DECR2: variants seen among roughly 807,000 people sequenced by gnomAD.
DECR2 encodes the protein peroxisomal 2,4-dienoyl-CoA reductase [(3E)-enoyl-CoA-producing].
In DECR2, 34 loss-of-function variants were observed where a neutral mutation model predicts 29.2. That is an observed-to-expected ratio of 1.16 (90% confidence interval 0.89 to 1.55). DECR2 has a LOEUF of 1.55. Among genes scored for constraint, DECR2 ranks in the 40% most tolerant of loss-of-function variants. The pLI, the probability that DECR2 is intolerant of heterozygous loss-of-function variation, is 0.00. For synonymous variants in DECR2, 224 were observed against 182.7 expected, an observed-to-expected ratio of 1.23 and a Z score of -1.82; for missense variants, 485 against 425.3, an observed-to-expected ratio of 1.14 and a Z score of -1.23.
At position 401,954 on chromosome 16, in the gene DECR2, C is replaced by T. The variant is rs768136109; in HGVS notation, c.-10C>T. On this transcript the variant is annotated 5_prime_UTR_variant, in exon 1 of 9. The change creates a new upstream start codon in the 5' untranslated region. Transcript: ENST00000219481. ...CGCCCGTTGTCCCCGCAGTCCCCGA[C>T]GGGAGCGCCATGGCCCAGCCGCCGC... is the stretch of plus-strand genomic sequence containing the variant. The T allele has an allele frequency of 1.5e-5, 22 of 1,483,020 alleles. No homozygotes were observed. The East Asian group carries it at 5.6e-4, about 38-fold the overall frequency. The allele number at this position is 1,483,020 out of a possible 1,614,324, so 91.9% of individuals were successfully genotyped here.
intron 1 of DECR2, among the ~76,000 whole-genome samples, chr16:404,070 G>A (rs1261840354): frequency 1.3e-5 from 2 of 151,996 alleles, no homozygotes; most frequent in Admixed American, 6.6e-5. Flanking sequence ...CTACTCTGGA[G>A]GCTGAGGCAG....
rs2054800204 is a variant in DECR2 at position 410,477 on chromosome 16, GGGTGGGTGTA to G, written c.462+111_462+120del. On this transcript the variant is annotated intron_variant, in intron 5 of 8. Coordinates refer to ENST00000219481, the MANE Select transcript of DECR2 (RefSeq NM_020664.4). This position sits in a 1 kb window ranked among gnomAD's most constrained non-coding sequence, Gnocchi z 4.1. ...TGTGCGCTCTGTGAGAAGTTCTTCC[GGGTGGGTGTA>G]CTCCCAGCGGGGGCCTCCCCCTGAC... The G allele has an allele frequency of 2.1e-5, 32 of 1,544,048 alleles. No homozygotes were observed. Among genetic ancestry groups the G allele is most frequent in the East Asian group, 1.4e-4 (6 of 43,090 alleles).
rs748746167 is a variant in DECR2 at position 410,728 on chromosome 16, T to C, written c.500T>C (p.Leu167Pro). 4.4e-6 allele frequency: 7 copies of C among 1,608,140 alleles called. No individual in the cohort carries two copies. In the Admixed American group the frequency reaches 8.4e-5, roughly 19 times the overall value. Residue 167 changes from leucine (L) to proline (P), a missense_variant, in exon 6 of 9, where the codon CTG becomes CCG. Coordinates refer to ENST00000219481, the MANE Select transcript of DECR2 (RefSeq NM_020664.4). The surrounding 1 kb of genome is among the most constrained non-coding windows in gnomAD (Gnocchi z 4.1). The part of the protein sequence containing the change: ...GGVIVNITAT[L>P]GNRGQALQVH... The stretch of plus-strand genomic sequence containing the variant: ...GTGATCGTGAACATCACTGCCACCC[T>C]GGGGAACCGGGGGCAGGCGCTCCAG...
At chr16:405,919 C>T (rs2054718721) in intron 2 of DECR2, among the ~76,000 whole-genome samples, 2 of 152,212 alleles carry the variant, frequency 1.3e-5, no homozygotes, top group Admixed American at 1.3e-4. Flanking sequence ...AACCAGGGTT[C>T]ATAGAGGCCA....
At chr16:402,639 T>C (rs574106402) in intron 1 of DECR2, among the ~76,000 whole-genome samples, 17 of 152,112 alleles carry the variant, frequency 1.1e-4, no homozygotes, top group African/African-American at 3.9e-4. Flanking sequence ...ATCCTTTTTT[T>C]TTTTTCCTTT....
Position 410,413 on chromosome 16 carries a change from C to T in DECR2, c.462+46C>T. The T allele has an allele frequency of 6.3e-7, 1 of 1,589,880 alleles. No homozygotes were observed. The highest frequency in any genetic ancestry group is 8.6e-7 in the Non-Finnish European group (1 of 1,164,638). ...GTGAGAAGTTCTTCCGGGTGGGTGC[C>T]TCGTGCGCTCTGTGAGAAGTTCTTC... On this transcript the variant is annotated intron_variant, in intron 5 of 8. Coordinates refer to ENST00000219481, the MANE Select transcript of DECR2 (RefSeq NM_020664.4). This position sits in a 1 kb window ranked among gnomAD's most constrained non-coding sequence, Gnocchi z 4.1.
Position 410,612 on chromosome 16 carries a change from C to A in DECR2, c.463-79C>A, listed in dbSNP as rs1023283065. 4.8e-6 allele frequency: 7 copies of A among 1,443,996 alleles called. No individual in the cohort carries two copies. Among genetic ancestry groups the A allele is most frequent in the East Asian group, 2.5e-5 (1 of 40,432 alleles). The allele number at this position is 1,443,996 out of a possible 1,614,324, so 89.4% of individuals were successfully genotyped here. ...GCCCGCTCCCTGCCCCGGGCCTCCC[C>A]CTGACAGCCACCCGCTCACTGTCCT... On this transcript the variant is annotated intron_variant, in intron 5 of 8. Transcript: ENST00000219481. This position sits in a 1 kb window ranked among gnomAD's most constrained non-coding sequence, Gnocchi z 4.1.
intron 4 of DECR2, among the ~76,000 whole-genome samples, chr16:407,838 CCT>C (rs1205026577): frequency 1.2e-4 from 18 of 147,386 alleles, no homozygotes; most frequent in Non-Finnish European, 2.1e-4. Flanking sequence ...TCTCCGGCCC[CCT>C]GTCTCTGGGC....
At chr16:406,866 C>T (rs1175990544) in intron 3 of DECR2, 2 of 983,190 alleles carry the variant, frequency 2.0e-6, no homozygotes, top group African/African-American at 3.5e-5. Context: ...GGCACCTCAG[C>T]CTCCCAAAGT....
In DECR2 at chr16:401,988, G is replaced by A. The variant is rs892716149; in HGVS notation, c.25G>A (p.Glu9Lys). The A allele has an allele frequency of 4.0e-6, 6 of 1,491,410 alleles. No individual in the cohort carries two copies. The African/African-American group carries it at 7.2e-5, about 18-fold the overall frequency. 92.4% of individuals were successfully genotyped at this position (1,491,410 alleles called of 1,614,324 possible). The change falls in exon 1 of 9, where the codon GAG (glutamate) becomes AAG (lysine). Residue 9 changes from glutamate (E) to lysine (K), a missense_variant. Coordinates refer to ENST00000219481, the MANE Select transcript of DECR2 (RefSeq NM_020664.4). MAQPPPDV[E>K]GDDCLPAYRH... Reference sequence around the variant, plus strand: ...CATGGCCCAGCCGCCGCCCGACGTGGAGGGGGACGACTGTCTCCCCGCGTA... The same window carrying A: ...CATGGCCCAGCCGCCGCCCGACGTGAAGGGGGACGACTGTCTCCCCGCGTA...
rs189831064 is a variant in DECR2 at position 411,555 on chromosome 16, G to C, written c.856G>C (p.Ala286Pro). 2 of 1,613,240 alleles carry C rather than the reference G, an allele frequency of 1.2e-6. No individual in the cohort carries two copies. Among genetic ancestry groups the C allele is most frequent in the Non-Finnish European group, 1.7e-6 (2 of 1,179,686 alleles). The change falls in exon 8 of 9, where the codon GCA becomes CCA. Residue 286 changes from alanine to proline, a missense_variant. Transcript: ENST00000219481. Reference sequence around the variant, plus strand: ...CGGTGTCAAAGGGCTGCCGGATTTCGCATCCTTCTCTGCTAAGCTCTAGGT... The same window carrying C: ...CGGTGTCAAAGGGCTGCCGGATTTCCCATCCTTCTCTGCTAAGCTCTAGGT... Reference protein sequence around the residue: ...PNGVKGLPDFASFSAKL With the variant: ...PNGVKGLPDFPSFSAKL
chr16:412,211 G>GAGGGAGCCACA lies in DECR2; in HGVS notation c.*323_*333dup, dbSNP rs1354469438. On this transcript the variant is annotated 3_prime_UTR_variant, in exon 9 of 9. Transcript: ENST00000219481. ...TCCTGCCTGCCTGGGTCCAGGGCCTGAGGGAGCCACATGGATCCCGAGACT... is the reference window on the plus strand; with the variant it reads ...TCCTGCCTGCCTGGGTCCAGGGCCTGAGGGAGCCACAAGGGAGCCACATGGATCCCGAGACT... 1 of 152,688 alleles carries GAGGGAGCCACA rather than the reference G, an allele frequency of 6.5e-6. No homozygotes were observed. Among genetic ancestry groups the GAGGGAGCCACA allele is most frequent in the African/African-American group, 2.4e-5 (1 of 41,476 alleles). 9.5% of individuals were successfully genotyped at this position (152,688 alleles called of 1,614,324 possible).
rs1356392213 is a variant in DECR2 at position 405,718 on chromosome 16, G to T, written c.150-628G>T. The T allele has an allele frequency of 1.1e-5, 8 of 744,632 alleles. No homozygotes were observed. In the Admixed American group the frequency reaches 1.9e-4, roughly 18 times the overall value. 46.1% of individuals were successfully genotyped at this position (744,632 alleles called of 1,614,324 possible). On this transcript the variant is annotated intron_variant, in intron 2 of 8. Transcript: ENST00000219481. ...GAAGCGTAGTCTTGGGTGGCTGTGA[G>T]ACGGGCGTCTCCATGCTGTTACCCC...
chr16:406,524 G>A (rs2054726149), intron 3 of DECR2, 127 bp downstream of exon 3: 1 of 873,318 alleles, frequency 1.1e-6, no homozygotes. Flanking sequence ...TGAGACGGGA[G>A]TCTCGCTCTG....
At position 411,461 on chromosome 16, in the gene DECR2, C is replaced by T; in HGVS notation, c.762C>T (p.Ser254=). 1 of 1,613,890 alleles carries T rather than the reference C, an allele frequency of 6.2e-7. No homozygotes were observed. Among genetic ancestry groups the T allele is most frequent in the Non-Finnish European group, 8.5e-7 (1 of 1,180,026 alleles). ...EIAHSVLYLA[S]PLASYVTGAV... ...CCCACAGCGTGCTCTACCTGGCCAG[C>T]CCTCTGGCTTCCTACGTGACGGGGG... Residue 254 remains serine, a synonymous_variant, in exon 8 of 9, where the codon AGC becomes AGT. Transcript: ENST00000219481.
At chr16:407,033 G>T (rs1025086577) in intron 3 of DECR2, 3 of 1,040,066 alleles carry the variant, frequency 2.9e-6, no homozygotes, top group Non-Finnish European at 2.3e-6. Context: ...CTGTTTGGGG[G>T]TAATGTGGCC....
At chr16:406,300 G>C in intron 2 of DECR2, 46 bp from the exon 3 acceptor site, 1 of 1,591,998 alleles carries the variant, frequency 6.3e-7, no homozygotes, top group South Asian at 1.1e-5. Flanking sequence ...TGCCCCGGGA[G>C]TGCCCCTCGC....
chr16:409,360 T>C (rs1431425195), intron 4 of DECR2, among the ~76,000 whole-genome samples: 3 of 150,078 alleles, frequency 2.0e-5, no homozygotes, highest in Non-Finnish European at 4.4e-5. Context: ...TTACTAGAGA[T>C]GGGGTTTCAC....
Position 411,496 on chromosome 16 carries a change from TG to T in DECR2, c.799del (p.Ala267ProfsTer7). The T allele has an allele frequency of 6.2e-7, 1 of 1,614,008 alleles. No homozygotes were observed. Among genetic ancestry groups the T allele is most frequent in the South Asian group, 1.1e-5 (1 of 91,082 alleles). On this transcript the variant is annotated frameshift_variant, in exon 8 of 9. Transcript: ENST00000219481. LOFTEE classifies it high-confidence loss of function. Reference sequence around the variant, plus strand: ...TCCTACGTGACGGGGGCCGTGCTGGTGGCCGATGGCGGGGCATGGTTGACGT... The same window carrying T: ...TCCTACGTGACGGGGGCCGTGCTGGTGCCGATGGCGGGGCATGGTTGACGT... ...LASYVTGAVL[V>X]ADGGAWLTFP...
Sources: allele counts gnomAD v4.1 joint callset (sites outside exome capture counted in the v4.1 genomes callset), GRCh38; gene constraint gnomAD v4.1.1; non-coding constraint Gnocchi (gnomAD v3.1); transcripts MANE v1.5; gene names NCBI Gene and HGNC (gene_info 2026-07-23, HGNC 2026-07-21).